Variants in CNTNAP2 observed in about 807,000 individuals in gnomAD.
The protein encoded by CNTNAP2 is contactin associated protein 2, also known as contactin-associated protein-like 2.
A neutral mutation model predicts 155.2 loss-of-function variants in CNTNAP2; 98 were observed. The observed-to-expected ratio is 0.63, with a 90% confidence interval of 0.54 to 0.75. The LOEUF is 0.75. Ranked by LOEUF, CNTNAP2 falls within the 30% of genes least tolerant of loss-of-function variation. The pLI, the probability that CNTNAP2 is intolerant of heterozygous loss-of-function variation, is 0.00. For missense variants in CNTNAP2, 1,727 were observed against 1,688.1 expected (o/e 1.02, Z -0.40); for synonymous variants, 651 against 631.2 (o/e 1.03, Z -0.47).
chr7:147,115,773 A>G (rs963373888), intron 5 of CNTNAP2, among the ~76,000 whole-genome samples: 1 of 152,030 alleles, frequency 6.6e-6, no homozygotes, highest in African/African-American at 2.4e-5. Context: ...TACTTCAGTG[A>G]AGTTTGTTAT....
At chr7:146,486,833 C>T (rs908261609) in intron 1 of CNTNAP2, among the ~76,000 whole-genome samples, 1 of 152,088 alleles carries the variant, frequency 6.6e-6, no homozygotes, top group African/African-American at 2.4e-5. Flanking sequence ...CATTTTTTCA[C>T]ATCTGTTCTT....
chr7:146,686,782 T>G (rs1442797893), intron 1 of CNTNAP2, among the ~76,000 whole-genome samples: 3 of 152,182 alleles, frequency 2.0e-5, no homozygotes, highest in Admixed American at 6.6e-5. Flanking sequence ...TATAATGGCA[T>G]ATACAATTTC....
At chr7:147,657,510 G>GT (rs1457921030) in intron 13 of CNTNAP2, among the ~76,000 whole-genome samples, 10 of 151,000 alleles carry the variant, frequency 6.6e-5, no homozygotes, top group African/African-American at 2.5e-4. Flanking sequence ...TTTAAGAACT[G>GT]TTTTTTTCCA....
intron 1 of CNTNAP2, among the ~76,000 whole-genome samples, chr7:146,353,101 A>G (rs1273695321): frequency 6.6e-6 from 1 of 152,142 alleles, no homozygotes; most frequent in Non-Finnish European, 1.5e-5. Flanking sequence ...ACTCTTAAAA[A>G]AGACATGTTA....
chr7:146,882,511 C>A (rs563118068), intron 3 of CNTNAP2, among the ~76,000 whole-genome samples: 1 of 152,016 alleles, frequency 6.6e-6, no homozygotes. Flanking sequence ...CCTTTCCCCC[C>A]TCTTCACCCT....
intron 10 of CNTNAP2, among the ~76,000 whole-genome samples, chr7:147,413,987 G>C (rs185799424): frequency 5.3e-5 from 8 of 152,272 alleles, no homozygotes; most frequent in African/African-American, 1.7e-4. Flanking sequence ...TGCTTGCAAG[G>C]CTGTAGGAAC....
chr7:147,491,630 G>T (rs138030325), intron 11 of CNTNAP2, among the ~76,000 whole-genome samples: 1 of 152,100 alleles, frequency 6.6e-6, no homozygotes, highest in African/African-American at 2.4e-5. Flanking sequence ...GACTATGCAC[G>T]CAGTGAATAT....
intron 9 of CNTNAP2, among the ~76,000 whole-genome samples, chr7:147,365,655 A>G (rs965418640): frequency 5.9e-5 from 9 of 152,206 alleles, no homozygotes; most frequent in Admixed American, 1.3e-4. Flanking sequence ...TAGATATTTC[A>G]AGAACTTTAA....
intron 13 of CNTNAP2, among the ~76,000 whole-genome samples, chr7:147,832,552 A>G (rs1798567848): frequency 6.9e-6 from 1 of 144,470 alleles, no homozygotes; most frequent in Admixed American, 6.9e-5. Flanking sequence ...TCAATATATT[A>G]TATTGAAATA....
chr7:147,807,292 G>A (rs978926530), intron 13 of CNTNAP2, among the ~76,000 whole-genome samples: 1 of 129,020 alleles, frequency 7.8e-6, no homozygotes, highest in Non-Finnish European at 1.6e-5. Context: ...CACTGTACTC[G>A]AGCCTGGATG....
intron 17 of CNTNAP2, among the ~76,000 whole-genome samples, chr7:148,158,080 C>T (rs184262341): frequency 3.3e-5 from 5 of 152,230 alleles, no homozygotes; most frequent in Non-Finnish European, 7.4e-5. Context: ...CAAAGGATAG[C>T]CCCTTCCCAC....
rs143005930 is a variant in CNTNAP2 at position 148,243,687 on chromosome 7, A to G, written c.3381+13908A>G. Reference sequence around the variant, plus strand: ...GGCCCCCATGATTCGATTACTTCCCACCAGGTCTCTCCCACAACACTTGGG... The same window carrying G: ...GGCCCCCATGATTCGATTACTTCCCGCCAGGTCTCTCCCACAACACTTGGG... On this transcript the variant is annotated intron_variant, in intron 20 of 23. Transcript: ENST00000361727. Among the ~76,000 whole-genome samples the G allele has an allele frequency of 1.1e-3, 169 of 152,180 alleles. 1 individual carries two copies. Among genetic ancestry groups the G allele is most frequent in the African/African-American group, 3.9e-3 (162 of 41,516 alleles).
chr7:146,212,500 C>T (rs1418052916), intron 1 of CNTNAP2, among the ~76,000 whole-genome samples: 1 of 152,032 alleles, frequency 6.6e-6, no homozygotes, highest in East Asian at 1.9e-4. Context: ...ATTAGATTCC[C>T]AAAGTCATGA....
intron 1 of CNTNAP2, among the ~76,000 whole-genome samples, chr7:146,140,945 G>T (rs1010784916): frequency 6.6e-6 from 1 of 152,102 alleles, no homozygotes; most frequent in Non-Finnish European, 1.5e-5. Flanking sequence ...ACCCTACAAA[G>T]AATTTCCCAC....
At chr7:147,523,654 T>C (rs1407219689) in intron 11 of CNTNAP2, among the ~76,000 whole-genome samples, 3 of 152,144 alleles carry the variant, frequency 2.0e-5, no homozygotes, top group Non-Finnish European at 2.9e-5. Context: ...TTGGGCCCCC[T>C]GTATCAGGGC....
At chr7:148,361,940 C>T (rs951303927) in intron 21 of CNTNAP2, among the ~76,000 whole-genome samples, 1 of 152,032 alleles carries the variant, frequency 6.6e-6, no homozygotes, top group African/African-American at 2.4e-5. Flanking sequence ...CGCCTGTAAT[C>T]CCAGCACGCC....
chr7:146,269,868 A>G (rs1800052316), intron 1 of CNTNAP2, among the ~76,000 whole-genome samples: 1 of 152,232 alleles, frequency 6.6e-6, no homozygotes. Flanking sequence ...GCCAACCATG[A>G]CAGCAGACCT....
intron 11 of CNTNAP2, among the ~76,000 whole-genome samples, chr7:147,487,732 G>T (rs59287941): frequency 6.6e-6 from 1 of 152,050 alleles, no homozygotes; most frequent in Admixed American, 6.6e-5. Flanking sequence ...GTATGCTACT[G>T]GTTGAGTAGC....
At chr7:146,243,571 T>A (rs1479079183) in intron 1 of CNTNAP2, among the ~76,000 whole-genome samples, 1 of 152,188 alleles carries the variant, frequency 6.6e-6, no homozygotes, top group Non-Finnish European at 1.5e-5. Context: ...TTACTTATTT[T>A]AAATATTAAT....
Sources: gnomAD v4.1 joint callset for allele counts (sites outside exome capture counted in the v4.1 genomes callset) on GRCh38, gnomAD v4.1.1 for gene constraint, MANE v1.5 for transcripts, NCBI Gene and HGNC (gene_info 2026-07-23, HGNC 2026-07-21) for gene names.